CATSPERT: variants seen among roughly 807,000 people sequenced by gnomAD.
The protein encoded by CATSPERT is catsper channel auxiliary subunit tau, also known as cation channel sperm-associated targeting subunit tau.
chr2:201,546,595 AC>A, the CATSPERT span, among the ~76,000 whole-genome samples: 2 of 152,160 alleles, frequency 1.3e-5, no homozygotes, highest in Non-Finnish European at 1.5e-5. Flanking sequence ...ACCACTTCAA[AC>A]CCACTAGGAT....
At chr2:201,525,611 C>T in the CATSPERT span, among the ~76,000 whole-genome samples, 1 of 151,928 alleles carries the variant, frequency 6.6e-6, no homozygotes, top group Non-Finnish European at 1.5e-5. Context: ...AAAGAAATAA[C>T]CAAAATCAGA....
chr2:201,487,511 C>T, the CATSPERT span: 115 of 1,130,308 alleles, frequency 1.0e-4, no homozygotes, highest in South Asian at 1.7e-3. Context: ...AAGAGATCTC[C>T]AAACCATTTT....
chr2:201,602,143 C>G, the CATSPERT span, among the ~76,000 whole-genome samples: 1 of 151,848 alleles, frequency 6.6e-6, no homozygotes, highest in Admixed American at 6.6e-5. Context: ...GCAAGTTTTG[C>G]TATGTATTAA....
chr2:201,500,624 T>C, the CATSPERT span, among the ~76,000 whole-genome samples: 2 of 152,352 alleles, frequency 1.3e-5, no homozygotes, highest in East Asian at 3.9e-4. Flanking sequence ...ATACATGTGA[T>C]GCCTGGAGAT....
chr2:201,494,506 T>G, the CATSPERT span: 1 of 1,537,010 alleles, frequency 6.5e-7, no homozygotes, highest in Non-Finnish European at 8.7e-7. Context: ...GATAGTAGGA[T>G]CAGGGGCTAA....
chr2:201,515,085 C>T, the CATSPERT span, among the ~76,000 whole-genome samples: 2 of 151,508 alleles, frequency 1.3e-5, no homozygotes, highest in African/African-American at 4.8e-5. Context: ...AAGTAGAATC[C>T]CAAAGTGAAG....
chr2:201,562,704 A>G, the CATSPERT span, among the ~76,000 whole-genome samples: 2 of 142,804 alleles, frequency 1.4e-5, no homozygotes, highest in Non-Finnish European at 3.1e-5. Flanking sequence ...GAGATTAGGG[A>G]GTGGTGATGA....
the CATSPERT span, chr2:201,556,927 T>A: frequency 6.6e-6 from 1 of 151,694 alleles, no homozygotes; most frequent in Non-Finnish European, 1.5e-5. Flanking sequence ...ATTTCACTTA[T>A]CTTAATTTTA....
chr2:201,565,636 A>G, the CATSPERT span: 9 of 1,274,096 alleles, frequency 7.1e-6, no homozygotes, highest in South Asian at 1.0e-4. Flanking sequence ...TAGCAAGCCT[A>G]TGTCTCAAAG....
At chr2:201,535,593 A>T in the CATSPERT span, 1 of 1,058,522 alleles carries the variant, frequency 9.4e-7, no homozygotes, top group Non-Finnish European at 1.1e-6. Flanking sequence ...TTACACTTTC[A>T]GCTGAATTAC....
At chr2:201,531,804 A>G in the CATSPERT span, among the ~76,000 whole-genome samples, 2 of 152,264 alleles carry the variant, frequency 1.3e-5, no homozygotes, top group Non-Finnish European at 2.9e-5. Context: ...AAAGGGAACA[A>G]TGCTAACACA....
the CATSPERT span, among the ~76,000 whole-genome samples, chr2:201,514,267 A>T: frequency 3.3e-5 from 5 of 152,162 alleles, no homozygotes; most frequent in African/African-American, 4.8e-5. Flanking sequence ...ATTTCTCATG[A>T]CTATGTGTGA....
chr2:201,521,039 G>T, the CATSPERT span, among the ~76,000 whole-genome samples: 1 of 151,924 alleles, frequency 6.6e-6, no homozygotes, highest in Non-Finnish European at 1.5e-5. Context: ...AACCTACCAA[G>T]ATTGAACCAA....
At chr2:201,559,452 A>C in the CATSPERT span, among the ~76,000 whole-genome samples, 1 of 152,250 alleles carries the variant, frequency 6.6e-6, no homozygotes, top group Admixed American at 6.5e-5. Context: ...CCTGGCAGAT[A>C]GGATTCCAGG....
chr2:201,491,228 G>A, the CATSPERT span: 14 of 1,537,610 alleles, frequency 9.1e-6, no homozygotes, highest in Non-Finnish European at 1.1e-5. Context: ...TTCTTTAGGT[G>A]AATTCTTGTG....
At chr2:201,555,017 A>G in the CATSPERT span, 1 of 152,214 alleles carries the variant, frequency 6.6e-6, no homozygotes, top group Non-Finnish European at 1.5e-5. Flanking sequence ...TATAGTTTCT[A>G]TCTCTGACTA....
chr2:201,534,390 C>G, the CATSPERT span: 1 of 981,124 alleles, frequency 1.0e-6, no homozygotes, highest in South Asian at 4.7e-5. Context: ...CAATAAATAA[C>G]TTACTTATCA....
At chr2:201,580,008 C>T in the CATSPERT span, among the ~76,000 whole-genome samples, 3 of 152,146 alleles carry the variant, frequency 2.0e-5, no homozygotes, top group Admixed American at 2.0e-4. Context: ...CATGCCACCA[C>T]ACCTGGCTAA....
At chr2:201,566,784 T>TCACTGA in the CATSPERT span, among the ~76,000 whole-genome samples, 1 of 152,234 alleles carries the variant, frequency 6.6e-6, no homozygotes, top group Admixed American at 6.5e-5. Flanking sequence ...CACCACACTG[T>TCACTGA]CTTCCACAAT....
Sources: allele counts gnomAD v4.1 joint callset (sites outside exome capture counted in the v4.1 genomes callset), GRCh38; gene constraint gnomAD v4.1.1; transcripts MANE v1.5; gene names NCBI Gene and HGNC (gene_info 2026-07-23, HGNC 2026-07-21).